The following CEP95 variants were observed in gnomAD, a reference collection of about 807,000 sequenced individuals.
CEP95 encodes centrosomal protein 95.
In CEP95, 98 loss-of-function variants were observed where a neutral mutation model predicts 111.2. The ratio of observed to expected loss-of-function variants is 0.88; its 90% CI spans 0.75 to 1.04. The LOEUF is 1.04. Among genes scored for constraint, CEP95 ranks in the 50% least tolerant of loss-of-function variants. The pLI, the probability that CEP95 is intolerant of heterozygous loss-of-function variation, is 0.00. For missense variants in CEP95, 1,027 were observed against 977.2 expected (o/e 1.05, Z -0.68); for synonymous variants, 323 against 327.1 (o/e 0.99, Z 0.14).
intron 1 of CEP95, chr17:64,508,335 G>C: frequency 9.9e-7 from 1 of 1,008,000 alleles, no homozygotes; most frequent in African/African-American, 1.7e-5. Flanking sequence ...GGCTGCAACA[G>C]TATCAATTGA....
chr17:64,515,552 C>A (rs78086676), intron 4 of CEP95, among the ~76,000 whole-genome samples: 5 of 151,982 alleles, frequency 3.3e-5, no homozygotes, highest in African/African-American at 1.2e-4. Flanking sequence ...GAGGAGGCAA[C>A]TGAGAGATAC....
Position 64,533,007 on chromosome 17 carries a change from A to C in CEP95, c.1841A>C (p.Glu614Ala). ...CGATCAAAGAAGAAACTCCAAGATG[A>C]AGTAAGTTACTGTCAGTCTTAAGCA... The part of the protein sequence containing the change: ...ENRSKKKLQD[E>A]IEEALRRHDL... The change falls in exon 15 of 20, where the codon GAA becomes GCA. Residue 614 changes from glutamate to alanine, a missense_variant and splice_region_variant. Physicochemically the swap from Glu to Ala is moderately radical, Grantham distance 107. Coordinates refer to ENST00000556440, the MANE Select transcript of CEP95 (RefSeq NM_138363.3). 1 of 1,611,168 alleles carries C rather than the reference A, an allele frequency of 6.2e-7. No homozygotes were observed. The highest frequency in any genetic ancestry group is 2.2e-5 in the East Asian group (1 of 44,864).
intron 19 of CEP95, 132 bp downstream of exon 19, chr17:64,537,244 A>G (rs1336508229): frequency 7.0e-7 from 1 of 1,437,264 alleles, no homozygotes; most frequent in African/African-American, 1.4e-5. Context: ...TGTACTCTCT[A>G]GGTTTGTGTA....
At chr17:64,534,512 G>T in intron 16 of CEP95, 73 bp from the exon 17 acceptor site, 1 of 1,357,738 alleles carries the variant, frequency 7.4e-7, no homozygotes, top group South Asian at 1.3e-5. Context: ...TGGGGAGTGA[G>T]GCAGATGAGA....
In CEP95 at chr17:64,536,672, C is replaced by T. The variant is rs1555681597; in HGVS notation, c.2141C>T (p.Ala714Val). 6.2e-7 allele frequency: 1 copy of T among 1,613,112 alleles called. No homozygotes were observed. Among genetic ancestry groups the T allele is most frequent in the Non-Finnish European group, 8.5e-7 (1 of 1,179,494 alleles). ...KQRLRDLRNY[A>V]KEKRDEQRRR... ...AGATTACGAGACCTAAGAAACTATG[C>T]CAAAGAAAAGCGAGATGAACAAAGG... is the stretch of plus-strand genomic sequence containing the variant. The change falls in exon 18 of 20, where the codon GCC (alanine) becomes GTC (valine). Residue 714 changes from alanine (A) to valine (V), a missense_variant. By Grantham distance (64) the Ala-to-Val change is moderately conservative. Transcript: ENST00000556440.
chr17:64,537,670 T>G lies in CEP95; in HGVS notation c.2357T>G (p.Met786Arg). Reference sequence around the variant, plus strand: ...AAGGAAATTCAGCAGCTGCAGGACATGATAACACAGAATGATGATGATGTT... The same window carrying G: ...AAGGAAATTCAGCAGCTGCAGGACAGGATAACACAGAATGATGATGATGTT... ...MEKEIQQLQD[M>R]ITQNDDDVFF... The change falls in exon 20 of 20, where the codon ATG (methionine) becomes AGG (arginine). Residue 786 changes from methionine (M) to arginine (R), a missense_variant. Met to Arg is a moderately conservative substitution (Grantham distance 91). Transcript: ENST00000556440. 6.2e-7 allele frequency: 1 copy of G among 1,613,472 alleles called. No individual in the cohort carries two copies. Among genetic ancestry groups the G allele is most frequent in the Non-Finnish European group, 8.5e-7 (1 of 1,179,620 alleles).
At chr17:64,515,903 GA>G (rs2039113732) in intron 4 of CEP95, 1 of 152,170 alleles carries the variant, frequency 6.6e-6, no homozygotes, top group African/African-American at 2.4e-5. Context: ...GGGTTCGAAG[GA>G]AGACCATGGG....
At chr17:64,516,699 ATT>A (rs1472748215) in intron 4 of CEP95, 22 bp from the exon 5 acceptor site, 19 of 1,446,816 alleles carry the variant, frequency 1.3e-5, no homozygotes, top group Non-Finnish European at 1.6e-5. Context: ...GTTTTTTGGT[ATT>A]GTTTTTATCT....
chr17:64,517,470 T>C (rs1302254156), intron 5 of CEP95, among the ~76,000 whole-genome samples: 1 of 152,224 alleles, frequency 6.6e-6, no homozygotes, highest in African/African-American at 2.4e-5. Context: ...GTTAAATTTT[T>C]TAGTCCTTTT....
intron 3 of CEP95, 21 bp downstream of exon 3, chr17:64,510,301 C>G: frequency 7.5e-7 from 1 of 1,325,804 alleles, no homozygotes; most frequent in Non-Finnish European, 1.1e-6. Flanking sequence ...GTATAACTAT[C>G]ACATAATTAT....
chr17:64,507,212 G>A, intron 1 of CEP95, 96 bp downstream of exon 1: 6 of 1,533,134 alleles, frequency 3.9e-6, no homozygotes, highest in South Asian at 3.6e-5. Context: ...GGCTGTCGGC[G>A]GGGCTCGTGA....
chr17:64,536,777 T>C lies in CEP95; in HGVS notation c.2217+29T>C, dbSNP rs1555681650. Reference sequence around the variant, plus strand: ...GGCTCCTGGCACTTGCTTACGCTGTTGTGCTTAGTCCTGACCACTTGCCCT... The same window carrying C: ...GGCTCCTGGCACTTGCTTACGCTGTCGTGCTTAGTCCTGACCACTTGCCCT... On this transcript the variant is annotated intron_variant, in intron 18 of 19. Transcript: ENST00000556440. 5.7e-6 allele frequency: 9 copies of C among 1,585,478 alleles called. 1 individual carries two copies. The South Asian group carries it at 1.1e-4, about 19-fold the overall frequency.
intron 17 of CEP95, chr17:64,535,865 G>C (rs1160748843): frequency 6.6e-6 from 1 of 152,158 alleles, no homozygotes; most frequent in East Asian, 1.9e-4. Context: ...CATACAGTAG[G>C]ATGTTACTTG....
chr17:64,533,007 A>G lies in CEP95; in HGVS notation c.1841A>G (p.Glu614Gly). ...CGATCAAAGAAGAAACTCCAAGATG[A>G]AGTAAGTTACTGTCAGTCTTAAGCA... The part of the protein sequence containing the change: ...ENRSKKKLQD[E>G]IEEALRRHDL... The change falls in exon 15 of 20, where the codon GAA becomes GGA. Residue 614 changes from glutamate (E) to glycine (G), a missense_variant and splice_region_variant. Glu to Gly is a moderately conservative substitution (Grantham distance 98). Transcript: ENST00000556440. 6.2e-7 allele frequency: 1 copy of G among 1,611,168 alleles called. No individual in the cohort carries two copies. Among genetic ancestry groups the G allele is most frequent in the Non-Finnish European group, 8.5e-7 (1 of 1,179,170 alleles).
intron 2 of CEP95, among the ~76,000 whole-genome samples, chr17:64,509,010 G>C (rs1415533000): frequency 6.6e-6 from 1 of 152,126 alleles, no homozygotes; most frequent in African/African-American, 2.4e-5. Context: ...GAGGGCTCCT[G>C]ATAATCACGG....
At position 64,522,799 on chromosome 17, in the gene CEP95, G is replaced by A. The variant is rs1555678233; in HGVS notation, c.813G>A (p.Glu271=). 4 of 1,613,882 alleles carry A rather than the reference G, an allele frequency of 2.5e-6. 1 individual carries two copies. The South Asian group carries it at 3.3e-5, about 13-fold the overall frequency. ...TACATCCACCCTACCACCCTTCAGA[G>A]CCTCGAGCACCCTGCCCCATAGGAA... ...IPLHPPYHPS[E]PRAPCPIGKE... The change falls in exon 8 of 20, where the codon GAG becomes GAA. Residue 271 remains glutamate (E), a synonymous_variant. Transcript: ENST00000556440.
Position 64,519,405 on chromosome 17 carries a change from C to T in CEP95, c.558C>T (p.Asp186=), listed in dbSNP as rs188830334. The T allele has an allele frequency of 1.2e-6, 2 of 1,613,542 alleles. No individual in the cohort carries two copies. The highest frequency in any genetic ancestry group is 1.7e-5 in the Admixed American group (1 of 60,014). Residue 186 remains aspartate (D), a synonymous_variant, in exon 6 of 20, where the codon GAC becomes GAT. Transcript: ENST00000556440. ...ESTGEIIRLG[D]TAHTFSLRSN... ...CTGGTGAAATCATTAGACTTGGAGA[C>T]ACAGCACACACCTTTTCTCTAAGAA...
rs782654933 is a variant in CEP95, at chr17:64,530,976, G to C, written c.1497G>C (p.Glu499Asp). The C allele has an allele frequency of 5.8e-6, 9 of 1,560,858 alleles. No homozygotes were observed. In the South Asian group the frequency reaches 1.1e-4, roughly 19 times the overall value. The change falls in exon 13 of 20, where the codon GAG becomes GAC. Residue 499 changes from glutamate to aspartate, a missense_variant. Physicochemically the swap from Glu to Asp is conservative, Grantham distance 45 (BLOSUM62 2). Transcript: ENST00000556440. ...AACTAAGAAGACATAAAGTTCAAGA[G>C]AATATTGGACCTCTAAGAATACATG... Reference protein sequence around the residue: ...ERELRRHKVQENIGPLRIHEK... With the variant: ...ERELRRHKVQDNIGPLRIHEK...
At chr17:64,507,450 C>A (rs2038616471) in intron 1 of CEP95, 3 of 1,324,302 alleles carry the variant, frequency 2.3e-6, no homozygotes, top group Non-Finnish European at 2.9e-6. Flanking sequence ...TGCCCTCCGC[C>A]CTTGCACTAT....
Sources: allele counts gnomAD v4.1 joint callset (sites outside exome capture counted in the v4.1 genomes callset), GRCh38; gene constraint gnomAD v4.1.1; transcripts MANE v1.5; gene names NCBI Gene and HGNC (gene_info 2026-07-23, HGNC 2026-07-21).